Variants in MPV17L observed in about 807,000 individuals in gnomAD.
The protein encoded by MPV17L is MPV17 mitochondrial inner membrane protein like.
Under a neutral mutation model 25.8 loss-of-function variants are expected in MPV17L, and 24 were observed. The ratio of observed to expected loss-of-function variants is 0.93; its 90% CI spans 0.67 to 1.31. MPV17L has a LOEUF of 1.31. MPV17L is among the 50% of genes most tolerant of loss of function. The pLI is 0.00. For synonymous variants in MPV17L, 102 were observed against 115.3 expected (o/e 0.88, Z 0.74); for missense variants, 250 against 265.6 (o/e 0.94, Z 0.41).
chr16:15,397,267 G>A (rs1275870487), intron 1 of MPV17L, among the ~76,000 whole-genome samples: 1 of 152,146 alleles, frequency 6.6e-6, no homozygotes, highest in African/African-American at 2.4e-5. Flanking sequence ...ATAGGTTATA[G>A]TCGTGAAGCT....
intron 2 of MPV17L, among the ~76,000 whole-genome samples, chr16:15,406,443 C>A (rs1370469018): frequency 6.6e-6 from 1 of 151,910 alleles, no homozygotes; most frequent in Non-Finnish European, 1.5e-5. Flanking sequence ...AATTTACATA[C>A]CAAGACTTTT....
At position 15,410,187 on chromosome 16, in the gene MPV17L, C is replaced by G. The variant is rs1054740061; in HGVS notation, c.*2075C>G. ...GAAGTTTCACTTGGACGTAGTGGTTCACGCTTGTAATCCCAGCACTTTGGG... is the reference window on the plus strand; with the variant it reads ...GAAGTTTCACTTGGACGTAGTGGTTGACGCTTGTAATCCCAGCACTTTGGG... On this transcript the variant is annotated 3_prime_UTR_variant, in exon 4 of 4. Coordinates refer to ENST00000396385, the MANE Select transcript of MPV17L (RefSeq NM_001128423.2). 6.6e-6 allele frequency: 1 copy of G among 152,182 alleles called. No homozygotes were observed. The highest frequency in any genetic ancestry group is 6.6e-5 in the Admixed American group (1 of 15,264). The allele number at this position is 152,182 out of a possible 1,614,324, so 9.4% of individuals were successfully genotyped here.
At chr16:15,396,557 C>A (rs1333350807) in intron 1 of MPV17L, among the ~76,000 whole-genome samples, 5 of 152,084 alleles carry the variant, frequency 3.3e-5, no homozygotes, top group African/African-American at 9.7e-5. Flanking sequence ...GAGGTCTTTG[C>A]CCCCTGAAAA....
chr16:15,395,787 A>T lies in MPV17L; in HGVS notation c.-111A>T. Reference sequence around the variant, plus strand: ...CGGAGCTTCTGGAGGGGGCAGATGCAGGTGCCGGCTGCTGCAGTGCAGTAG... The same window carrying T: ...CGGAGCTTCTGGAGGGGGCAGATGCTGGTGCCGGCTGCTGCAGTGCAGTAG... On this transcript the variant is annotated 5_prime_UTR_variant, in exon 1 of 4. Transcript: ENST00000396385. 2 of 986,192 alleles carry T rather than the reference A, an allele frequency of 2.0e-6. No individual in the cohort carries two copies. Among genetic ancestry groups the T allele is most frequent in the East Asian group, 6.6e-5 (2 of 30,278 alleles). 61.1% of individuals were successfully genotyped at this position (986,192 alleles called of 1,614,324 possible).
intron 2 of MPV17L, among the ~76,000 whole-genome samples, chr16:15,403,791 A>G (rs1485525651): frequency 2.0e-5 from 3 of 152,170 alleles, no homozygotes; most frequent in African/African-American, 7.2e-5. Flanking sequence ...ACTGGTTACA[A>G]TGAGTGAGTC....
At chr16:15,404,723 G>C (rs894529464) in intron 2 of MPV17L, among the ~76,000 whole-genome samples, 1 of 152,146 alleles carries the variant, frequency 6.6e-6, no homozygotes, top group Admixed American at 6.6e-5. Flanking sequence ...TCGGGAGGCT[G>C]AGGCAGGAGA....
intron 2 of MPV17L, among the ~76,000 whole-genome samples, chr16:15,407,251 TA>T (rs1448761661): frequency 1.3e-5 from 2 of 152,106 alleles, no homozygotes; most frequent in Non-Finnish European, 2.9e-5. Flanking sequence ...ATTCTGGTGT[TA>T]AAAATATAAT....
intron 2 of MPV17L, among the ~76,000 whole-genome samples, chr16:15,401,961 T>A (rs1236249569): frequency 6.6e-6 from 1 of 152,204 alleles, no homozygotes; most frequent in Non-Finnish European, 1.5e-5. Flanking sequence ...GGACAACAAT[T>A]TATTCTGTAA....
chr16:15,406,550 A>G (rs560453870), intron 2 of MPV17L, among the ~76,000 whole-genome samples: 1 of 152,286 alleles, frequency 6.6e-6, no homozygotes, highest in Admixed American at 6.6e-5. Context: ...TGAAAATTTC[A>G]GCTAAACTTG....
rs185201089 is a variant in MPV17L at position 15,404,419 on chromosome 16, G to A, written c.382-3405G>A. Among the ~76,000 whole-genome samples the A allele has an allele frequency of 9.2e-5, 14 of 152,304 alleles. No individual in the cohort carries two copies. The East Asian group carries it at 2.3e-3, about 25-fold the overall frequency. On this transcript the variant is annotated intron_variant, in intron 2 of 3. Transcript: ENST00000396385. ...ACATAAGAAATAAGGAAGCATATCA[G>A]GTGTGGTGGCTCACGCCTGTAATCC...
chr16:15,399,531 G>A (rs926613157), intron 1 of MPV17L: 14 of 396,048 alleles, frequency 3.5e-5, no homozygotes, highest in African/African-American at 2.7e-4. Flanking sequence ...TCTGCCTCTG[G>A]AGTAGCTGGG....
In MPV17L at chr16:15,399,185, G is replaced by A. The variant is rs2050613103; in HGVS notation, c.311-1602G>A. ...TGTAAGGAGGGGCACATGAAATGAG[G>A]CACGTAAACTACATAGCATTTAATT... On this transcript the variant is annotated intron_variant, in intron 1 of 3. Coordinates refer to ENST00000396385, the MANE Select transcript of MPV17L (RefSeq NM_001128423.2). Among the ~76,000 whole-genome samples the A allele has an allele frequency of 3.9e-5, 6 of 152,018 alleles. No individual in the cohort carries two copies. In the South Asian group the frequency reaches 1.0e-3, roughly 27 times the overall value.
At chr16:15,399,439 T>C (rs1400230395) in intron 1 of MPV17L, 7 of 453,176 alleles carry the variant, frequency 1.5e-5, no homozygotes, top group Admixed American at 4.7e-5. Flanking sequence ...AGGGTCTCAC[T>C]CTATTCCCCA....
In MPV17L at chr16:15,410,244, G is replaced by C. The variant is rs1025930556; in HGVS notation, c.*2132G>C. 37 of 152,148 alleles carry C rather than the reference G, an allele frequency of 2.4e-4. No individual in the cohort carries two copies. The highest frequency in any genetic ancestry group is 8.7e-4 in the African/African-American group (36 of 41,410). 9.4% of individuals were successfully genotyped at this position (152,148 alleles called of 1,614,324 possible). ...AGGTGGGAGGATTGCTTAAGGCAAG[G>C]AGTTTGAGACCAGCCTGGGCAATAC... On this transcript the variant is annotated 3_prime_UTR_variant, in exon 4 of 4. Transcript: ENST00000396385.
chr16:15,406,193 A>AATAT (rs199929663), intron 2 of MPV17L, among the ~76,000 whole-genome samples: 4 of 151,286 alleles, frequency 2.6e-5, no homozygotes, highest in Non-Finnish European at 5.9e-5. Context: ...CATCTCAAAA[A>AATAT]ATATATATAT....
intron 1 of MPV17L, among the ~76,000 whole-genome samples, chr16:15,397,614 G>A (rs1352148916): frequency 6.6e-6 from 1 of 152,146 alleles, no homozygotes; most frequent in East Asian, 1.9e-4. Context: ...CCTTGGGATT[G>A]GGGATCACAG....
In MPV17L at chr16:15,408,091, A is replaced by C; in HGVS notation, c.570A>C (p.Thr190=). 2 of 1,605,240 alleles carry C rather than the reference A, an allele frequency of 1.2e-6. No homozygotes were observed. The highest frequency in any genetic ancestry group is 1.7e-6 in the Non-Finnish European group (2 of 1,174,842). ...TATATACAAAGGGGACCAGTGCCACAGAAGGGTACCCGAAGAAATGAGAAG... is the reference window on the plus strand; with the variant it reads ...TATATACAAAGGGGACCAGTGCCACCGAAGGGTACCCGAAGAAATGAGAAG... ...TILYTKGTSA[T]EGYPKK The change falls in exon 4 of 4, where the codon ACA becomes ACC. Residue 190 remains threonine (T), a synonymous_variant. Coordinates refer to ENST00000396385, the MANE Select transcript of MPV17L (RefSeq NM_001128423.2).
Position 15,410,528 on chromosome 16 carries a change from G to A in MPV17L, c.*2416G>A, listed in dbSNP as rs1376987425. On this transcript the variant is annotated 3_prime_UTR_variant, in exon 4 of 4. Coordinates refer to ENST00000396385, the MANE Select transcript of MPV17L (RefSeq NM_001128423.2). ...ATTGTGCCACTGCACTCCAGCCTGG[G>A]TGACAGAGTGAGACTCCGTCTCAAA... is the stretch of plus-strand genomic sequence containing the variant. The A allele has an allele frequency of 2.0e-5, 3 of 152,064 alleles. No homozygotes were observed. The highest frequency in any genetic ancestry group is 4.4e-5 in the Non-Finnish European group (3 of 68,032). 9.4% of individuals were successfully genotyped at this position (152,064 alleles called of 1,614,324 possible). A position where few individuals can be genotyped will look rare whatever the true frequency, so the allele number is the denominator to read the frequency against.
chr16:15,409,508 C>T lies in MPV17L; in HGVS notation c.*1396C>T, dbSNP rs1442318381. On this transcript the variant is annotated 3_prime_UTR_variant, in exon 4 of 4. Coordinates refer to ENST00000396385, the MANE Select transcript of MPV17L (RefSeq NM_001128423.2). ...CCTTAAGAAGGTTCTTTTTAATTCT[C>T]CCCACCCTTGAGAATGTACTTTGTG... 1.3e-5 allele frequency: 2 copies of T among 152,136 alleles called. No homozygotes were observed. The highest frequency in any genetic ancestry group is 4.8e-5 in the African/African-American group (2 of 41,440). 9.4% of individuals were successfully genotyped at this position (152,136 alleles called of 1,614,324 possible).
Sources: allele counts gnomAD v4.1 joint callset (sites outside exome capture counted in the v4.1 genomes callset), GRCh38; gene constraint gnomAD v4.1.1; transcripts MANE v1.5; gene names NCBI Gene and HGNC (gene_info 2026-07-23, HGNC 2026-07-21).